Variants in FABP3 observed in about 807,000 individuals in gnomAD.
FABP3 encodes fatty acid-binding protein, heart.
A neutral mutation model predicts 13.4 loss-of-function variants in FABP3; 8 were observed. The ratio of observed to expected loss-of-function variants is 0.60; its 90% CI spans 0.35 to 1.07. FABP3 has a LOEUF of 1.07. FABP3 is among the 50% of genes least tolerant of loss of function. The pLI is 0.02. For synonymous variants in FABP3, 64 were observed against 60.0 expected (o/e 1.07, Z -0.31); for missense variants, 135 against 164.7 (o/e 0.82, Z 0.99).
chr1:31,364,070 T>A, downstream of FABP3: 1 of 1,613,762 alleles, frequency 6.2e-7, no homozygotes. Flanking sequence ...GGAAGTCATC[T>A]GACTCTGACA....
downstream of FABP3, among the ~76,000 whole-genome samples, chr1:31,361,325 T>A (rs1160234984): frequency 6.6e-6 from 1 of 152,218 alleles, no homozygotes; most frequent in Non-Finnish European, 1.5e-5. Context: ...CAGAACATCC[T>A]GGGAGTTAAT....
rs483352875 is a variant in FABP3, at chr1:31,365,951, GAC to G, written c.349-14_349-13del. The G allele has an allele frequency of 6.8e-5, 110 of 1,613,554 alleles. No individual in the cohort carries two copies. The East Asian group carries it at 2.3e-3, about 33-fold the overall frequency. On this transcript the variant is annotated splice_polypyrimidine_tract_variant and intron_variant, in intron 3 of 3. Coordinates refer to ENST00000373713, the MANE Select transcript of FABP3 (RefSeq NM_004102.5). ...CCGTGGGTGAGTGTCTGGAAGGAAA[GAC>G]AGAGTGAGATGGGGGGTGGAGCCAG...
intron 2 of FABP3, among the ~76,000 whole-genome samples, chr1:31,368,774 T>C (rs540548124): frequency 8.3e-4 from 127 of 152,274 alleles, no homozygotes; most frequent in Middle Eastern, 3.4e-3. Context: ...GCAAACACAT[T>C]CATGACAAGG....
At position 31,369,428 on chromosome 1, in the gene FABP3, C is replaced by T; in HGVS notation, c.203G>A (p.Gly68Glu). 6.2e-7 allele frequency: 1 copy of T among 1,614,144 alleles called. No homozygotes were observed. The highest frequency in any genetic ancestry group is 8.5e-7 in the Non-Finnish European group (1 of 1,180,040). ...FKNTEISFKL[G>E]VEFDETTADD... ...TGCTGTTGTCTCATCGAACTCCACC[C>T]CCAACTTAAAGCTGATCTCTGTGTT... The change falls in exon 2 of 4, where the codon GGG becomes GAG. Residue 68 changes from glycine to glutamate, a missense_variant. Transcript: ENST00000373713.
Position 31,372,426 on chromosome 1 carries a change from GCTTA to G in FABP3, c.73+512_73+515del, listed in dbSNP as rs1640224309. Among the ~76,000 whole-genome samples the G allele has an allele frequency of 8.5e-5, 13 of 152,270 alleles. No homozygotes were observed. In the South Asian group the frequency reaches 2.7e-3, roughly 32 times the overall value. On this transcript the variant is annotated intron_variant, in intron 1 of 3. Transcript: ENST00000373713. ...TAACCAAGCAGAGATGGGGATTGCTGCTTACTGCAGGTTCCTGTCTTACGTCCTT... is the reference window on the plus strand; with the variant it reads ...TAACCAAGCAGAGATGGGGATTGCTGCTGCAGGTTCCTGTCTTACGTCCTT...
chr1:31,361,548 CTA>C (rs1465038210), downstream of FABP3, among the ~76,000 whole-genome samples: 1 of 152,212 alleles, frequency 6.6e-6, no homozygotes, highest in Non-Finnish European at 1.5e-5. Flanking sequence ...GAACTTAATT[CTA>C]TCTTATTCCA....
chr1:31,366,485 C>T (rs1407670341), intron 3 of FABP3, among the ~76,000 whole-genome samples: 1 of 152,200 alleles, frequency 6.6e-6, no homozygotes, highest in Admixed American at 6.5e-5. Context: ...TCCTGCATAT[C>T]ACATCCCCAC....
chr1:31,364,172 C>A (rs768969307), downstream of FABP3: 51 of 1,613,270 alleles, frequency 3.2e-5, no homozygotes, highest in Non-Finnish European at 3.9e-5. Context: ...AGAAGAAGCA[C>A]AAGAAGAAGC....
chr1:31,360,906 G>C (rs1262449838), downstream of FABP3, among the ~76,000 whole-genome samples: 1 of 152,164 alleles, frequency 6.6e-6, no homozygotes, highest in Non-Finnish European at 1.5e-5. Flanking sequence ...CAAAAAGCTT[G>C]ATAAACTAAA....
At chr1:31,360,619 A>G (rs1420149374), downstream of FABP3, among the ~76,000 whole-genome samples, 3 of 152,154 alleles carry the variant, frequency 2.0e-5, no homozygotes, top group Admixed American at 2.0e-4. Context: ...GGAGAAGGCC[A>G]CCTCCTTGAG....
intron 3 of FABP3, among the ~76,000 whole-genome samples, 183 bp downstream of exon 3, chr1:31,367,210 G>A (rs755778572): frequency 7.2e-5 from 11 of 152,124 alleles, no homozygotes; most frequent in Non-Finnish European, 1.0e-4. Flanking sequence ...TTTGAGTTCC[G>A]GCCTGTGTGA....
In FABP3 at chr1:31,372,393, C is replaced by A. The variant is rs1238105832; in HGVS notation, c.73+549G>T. ...GAAAGGGCATTCTCCAGCAAGAATTCTCTTCCCTAACCAAGCAGAGATGGG... is the reference window on the plus strand; with the variant it reads ...GAAAGGGCATTCTCCAGCAAGAATTATCTTCCCTAACCAAGCAGAGATGGG... On this transcript the variant is annotated intron_variant, in intron 1 of 3. Coordinates refer to ENST00000373713, the MANE Select transcript of FABP3 (RefSeq NM_004102.5). 2.0e-5 allele frequency among the ~76,000 whole-genome samples: 3 copies of A among 152,128 alleles called. No homozygotes were observed. In the East Asian group the frequency reaches 5.8e-4, roughly 29 times the overall value.
At chr1:31,369,259 G>A in intron 2 of FABP3, 126 bp downstream of exon 2, 1 of 1,006,072 alleles carries the variant, frequency 9.9e-7, no homozygotes, top group South Asian at 1.6e-5. Context: ...TATGAATCTT[G>A]TTTCATTTAA....
At chr1:31,367,260 C>T (rs1379764292) in intron 3 of FABP3, 133 bp downstream of exon 3, 1 of 777,664 alleles carries the variant, frequency 1.3e-6, no homozygotes, top group Non-Finnish European at 2.3e-6. Context: ...CCTGATACCA[C>T]CCTGACCCAC....
At chr1:31,367,209 C>T (rs528457933) in intron 3 of FABP3, among the ~76,000 whole-genome samples, 184 bp downstream of exon 3, 1 of 152,228 alleles carries the variant, frequency 6.6e-6, no homozygotes, top group East Asian at 1.9e-4. Flanking sequence ...ATTTGAGTTC[C>T]GGCCTGTGTG....
rs1640132809 is a variant in FABP3 at position 31,367,416 on chromosome 1, G to T, written c.325C>A (p.Leu109Ile). 1.2e-6 allele frequency: 2 copies of T among 1,613,994 alleles called. No individual in the cohort carries two copies. The highest frequency in any genetic ancestry group is 1.7e-6 in the Non-Finnish European group (2 of 1,179,970). Reference sequence around the variant, plus strand: ...ACCAGGATGAGTTTTCCATCAATTAGCTCCCGCACAAGTGTGGTCTCTTGC... The same window carrying T: ...ACCAGGATGAGTTTTCCATCAATTATCTCCCGCACAAGTGTGGTCTCTTGC... The part of the protein sequence containing the change: ...DGQETTLVRE[L>I]IDGKLILTLT... The change falls in exon 3 of 4, where the codon CTA becomes ATA. Residue 109 changes from leucine (L) to isoleucine (I), a missense_variant. Physicochemically the swap from Leu to Ile is conservative, Grantham distance 5 (BLOSUM62 2). Transcript: ENST00000373713.
Position 31,369,478 on chromosome 1 carries a change from G to A in FABP3, c.153C>T (p.Thr51=). 1 of 1,614,134 alleles carries A rather than the reference G, an allele frequency of 6.2e-7. No individual in the cohort carries two copies. The highest frequency in any genetic ancestry group is 8.5e-7 in the Non-Finnish European group (1 of 1,180,026). ...TCTTGAAGGTGCTGTGTGTTTTTAG[G>A]GTGAGAATGTCCCCATTCTTTTCGA... ...TIIEKNGDIL[T]LKTHSTFKNT... Residue 51 remains threonine, a synonymous_variant, in exon 2 of 4, where the codon ACC becomes ACT. Transcript: ENST00000373713.
downstream of FABP3, among the ~76,000 whole-genome samples, chr1:31,361,784 A>AGATT (rs1265831616): frequency 1.3e-4 from 18 of 140,974 alleles, no homozygotes; most frequent in African/African-American, 3.6e-4. Flanking sequence ...GGAGAGGGGG[A>AGATT]GATTATTTAT....
chr1:31,367,286 C>A, intron 3 of FABP3, 107 bp downstream of exon 3: 1 of 915,694 alleles, frequency 1.1e-6, no homozygotes, highest in South Asian at 1.4e-5. Flanking sequence ...CTCTCTTGTC[C>A]CAGCTTCTAC....
Sources: gnomAD v4.1 joint callset for allele counts (sites outside exome capture counted in the v4.1 genomes callset) on GRCh38, gnomAD v4.1.1 for gene constraint, MANE v1.5 for transcripts, NCBI Gene and HGNC (gene_info 2026-07-23, HGNC 2026-07-21) for gene names.